Variants in ZNF354C observed in about 807,000 individuals in gnomAD.
ZNF354C encodes KRAB-zinc finger protein synten.
In ZNF354C, 7 loss-of-function variants were observed where a neutral mutation model predicts 12.4. That is an observed-to-expected ratio of 0.56 (90% CI 0.32 to 1.06). ZNF354C has a LOEUF of 1.06. Among genes scored for constraint, ZNF354C ranks in the 50% least tolerant of loss-of-function variants. The pLI is 0.04. For missense variants in ZNF354C, 609 were observed against 658.0 expected (o/e 0.93, Z 0.81); for synonymous variants, 202 against 224.5 (o/e 0.90, Z 0.90).
In ZNF354C at chr5:179,080,282, C is replaced by A; in HGVS notation, c.*185C>A. On this transcript the variant is annotated 3_prime_UTR_variant, in exon 5 of 5. Coordinates refer to ENST00000315475, the MANE Select transcript of ZNF354C (RefSeq NM_014594.3). ...CTGACTTGTTAAATTTTAAAAGAACCATAAATTCTAAGGTATCTAAAAACC... is the reference window on the plus strand; with the variant it reads ...CTGACTTGTTAAATTTTAAAAGAACAATAAATTCTAAGGTATCTAAAAACC... 2.5e-6 allele frequency: 1 copy of A among 398,652 alleles called. No individual in the cohort carries two copies. Among genetic ancestry groups the A allele is most frequent in the Non-Finnish European group, 4.4e-6 (1 of 226,082 alleles). The allele number at this position is 398,652 out of a possible 1,614,324, so 24.7% of individuals were successfully genotyped here. A position where few individuals can be genotyped will look rare whatever the true frequency, so the allele number is the denominator to read the frequency against.
chr5:179,076,996 G>A, intron 3 of ZNF354C, 75 bp from the exon 4 acceptor site: 1 of 1,310,514 alleles, frequency 7.6e-7, no homozygotes, highest in Admixed American at 1.9e-5. Flanking sequence ...TGTTGGTTCA[G>A]AGTGAGTAGT....
intron 2 of ZNF354C, among the ~76,000 whole-genome samples, chr5:179,066,272 G>A (rs559631813): frequency 3.9e-5 from 6 of 152,312 alleles, no homozygotes; most frequent in African/African-American, 1.4e-4. Context: ...GGGTAGTGGA[G>A]GTGTCTTATA....
intron 2 of ZNF354C, among the ~76,000 whole-genome samples, chr5:179,065,648 T>A (rs775978617): frequency 2.0e-5 from 3 of 152,166 alleles, no homozygotes; most frequent in Non-Finnish European, 4.4e-5. Context: ...ACTCTTGGCC[T>A]CAAGTGATCC....
In ZNF354C at chr5:179,082,322, C is replaced by T. The variant is rs534495698; in HGVS notation, c.*2225C>T. On this transcript the variant is annotated 3_prime_UTR_variant, in exon 5 of 5. Coordinates refer to ENST00000315475, the MANE Select transcript of ZNF354C (RefSeq NM_014594.3). ...TGTGTGATCATCCTTGATGTACTGC[C>T]GAAAATGTTTACCTCAAATTTAATT... The T allele has an allele frequency of 5.6e-4, 117 of 207,256 alleles. No individual in the cohort carries two copies. Among genetic ancestry groups the T allele is most frequent in the African/African-American group, 2.6e-3 (111 of 42,090 alleles). 12.8% of individuals were successfully genotyped at this position (207,256 alleles called of 1,614,324 possible). A position where few individuals can be genotyped will look rare whatever the true frequency, so the allele number is the denominator to read the frequency against.
chr5:179,077,967 A>G (rs1425029850), intron 4 of ZNF354C, among the ~76,000 whole-genome samples: 1 of 151,910 alleles, frequency 6.6e-6, no homozygotes, highest in Non-Finnish European at 1.5e-5. Flanking sequence ...CACCACGCCT[A>G]GCTAATTTTT....
At chr5:179,061,952 A>G (rs1480870567) in intron 1 of ZNF354C, 63 bp from the exon 2 acceptor site, 24 of 1,142,344 alleles carry the variant, frequency 2.1e-5, no homozygotes, top group Non-Finnish European at 3.2e-5. Flanking sequence ...GGCGGTTGTA[A>G]CTTCCTCTCT....
At chr5:179,072,094 G>T (rs1047100732) in intron 2 of ZNF354C, among the ~76,000 whole-genome samples, 3 of 152,032 alleles carry the variant, frequency 2.0e-5, no homozygotes, top group African/African-American at 7.2e-5. Flanking sequence ...AATCAATAGA[G>T]ACAATGACCC....
Position 179,082,619 on chromosome 5 carries a change from C to T in ZNF354C, c.*2522C>T, listed in dbSNP as rs749841903. The T allele has an allele frequency of 2.3e-5, 31 of 1,330,146 alleles. No individual in the cohort carries two copies. In the Admixed American group the frequency reaches 3.5e-4, roughly 15 times the overall value. 82.4% of individuals were successfully genotyped at this position (1,330,146 alleles called of 1,614,324 possible). A position where few individuals can be genotyped will look rare whatever the true frequency, so the allele number is the denominator to read the frequency against. On this transcript the variant is annotated 3_prime_UTR_variant, in exon 5 of 5. Transcript: ENST00000315475. ...GAGGGAGATATTCAGAAACCTTCAC[C>T]AGATTCCTCCCAACTTGATCATAGT...
At position 179,083,315 on chromosome 5, in the gene ZNF354C, C is replaced by A. The variant is rs528481586; in HGVS notation, c.*3218C>A. ...TTTTCTAGAAGTGATAATTGAGTTA[C>A]GTAGGATAATGTTCTAATTCTTAGG... On this transcript the variant is annotated 3_prime_UTR_variant, in exon 5 of 5. Transcript: ENST00000315475. 1 of 174,926 alleles carries A rather than the reference C, an allele frequency of 5.7e-6. No individual in the cohort carries two copies. 10.8% of individuals were successfully genotyped at this position (174,926 alleles called of 1,614,324 possible).
At chr5:179,064,965 A>G (rs935082204) in intron 2 of ZNF354C, among the ~76,000 whole-genome samples, 1 of 152,216 alleles carries the variant, frequency 6.6e-6, no homozygotes. Flanking sequence ...GAAAAGGCAC[A>G]TGGAATTTGG....
intron 2 of ZNF354C, among the ~76,000 whole-genome samples, chr5:179,074,424 G>A (rs141234952): frequency 1.3e-3 from 191 of 152,032 alleles, no homozygotes; most frequent in African/African-American, 4.1e-3. Flanking sequence ...CACCACACCC[G>A]GCCTGGCTTG....
rs149489106 is a variant in ZNF354C at position 179,080,003 on chromosome 5, A to G, written c.1571A>G (p.Tyr524Cys). ...AAAGTTCACACGAAAGAGAAACTCT[A>G]TAAGTGGAAGGAATATGGGAAACCT... ...HKKVHTKEKL[Y>C]KWKEYGKPFI... The change falls in exon 5 of 5, where the codon TAT becomes TGT. Residue 524 changes from tyrosine to cysteine, a missense_variant. Physicochemically the swap from Tyr to Cys is radical, Grantham distance 194. Coordinates refer to ENST00000315475, the MANE Select transcript of ZNF354C (RefSeq NM_014594.3). The G allele has an allele frequency of 0.018, 28,723 of 1,613,960 alleles. 335 individuals are homozygous for G. The highest frequency in any genetic ancestry group is 0.038 in the Middle Eastern group (229 of 6,060).
intron 2 of ZNF354C, among the ~76,000 whole-genome samples, chr5:179,070,818 G>C (rs931058700): frequency 1.4e-5 from 2 of 146,700 alleles, no homozygotes; most frequent in Non-Finnish European, 3.0e-5. Flanking sequence ...TCCATTTCCA[G>C]ATGATTAGCA....
In ZNF354C at chr5:179,083,516, CA is replaced by C. The variant is rs1762256879; in HGVS notation, c.*3424del. 8.3e-6 allele frequency: 1 copy of C among 120,304 alleles called. No individual in the cohort carries two copies. Among genetic ancestry groups the C allele is most frequent in the African/African-American group, 3.3e-5 (1 of 30,600 alleles). 7.5% of individuals were successfully genotyped at this position (120,304 alleles called of 1,614,324 possible). On this transcript the variant is annotated 3_prime_UTR_variant, in exon 5 of 5. Coordinates refer to ENST00000315475, the MANE Select transcript of ZNF354C (RefSeq NM_014594.3). ...TGTGTGTCAATTTTTAATAAAAATG[CA>C]AAAAGTGATTGGATAAAGAAGTGAT...
At position 179,076,613 on chromosome 5, in the gene ZNF354C, G is replaced by A. The variant is rs753008129; in HGVS notation, c.154+42G>A. On this transcript the variant is annotated intron_variant, in intron 3 of 4. Coordinates refer to ENST00000315475, the MANE Select transcript of ZNF354C (RefSeq NM_014594.3). ...ATGACGAAGAATCTGTTATAGGAAC[G>A]CCTCACAGGTCCATCTTTGGGGTTC... The A allele has an allele frequency of 1.1e-5, 17 of 1,605,684 alleles. No individual in the cohort carries two copies. The East Asian group carries it at 2.7e-4, about 25-fold the overall frequency.
At chr5:179,066,634 T>C (rs1403013752) in intron 2 of ZNF354C, among the ~76,000 whole-genome samples, 2 of 152,254 alleles carry the variant, frequency 1.3e-5, no homozygotes, top group East Asian at 3.8e-4. Flanking sequence ...AATTCTACAT[T>C]GGTGATTTTT....
At position 179,082,529 on chromosome 5, in the gene ZNF354C, G is replaced by T; in HGVS notation, c.*2432G>T. 1 of 658,774 alleles carries T rather than the reference G, an allele frequency of 1.5e-6. No individual in the cohort carries two copies. The highest frequency in any genetic ancestry group is 1.8e-5 in the South Asian group (1 of 56,404). The allele number at this position is 658,774 out of a possible 1,614,324, so 40.8% of individuals were successfully genotyped here. A position where few individuals can be genotyped will look rare whatever the true frequency, so the allele number is the denominator to read the frequency against. ...TTTATTTTTTTAAACATAACACGAG[G>T]AAGCTGTTAAAACTGGTGTAATAGC... On this transcript the variant is annotated 3_prime_UTR_variant, in exon 5 of 5. Transcript: ENST00000315475.
At chr5:179,075,873 T>C (rs1762112885) in intron 2 of ZNF354C, among the ~76,000 whole-genome samples, 1 of 152,254 alleles carries the variant, frequency 6.6e-6, no homozygotes, top group Non-Finnish European at 1.5e-5. Flanking sequence ...TTGTTCACAT[T>C]GTATTTCTTT....
intron 2 of ZNF354C, among the ~76,000 whole-genome samples, chr5:179,074,437 T>C (rs1762088377): frequency 6.6e-6 from 1 of 152,116 alleles, no homozygotes; most frequent in Admixed American, 6.5e-5. Flanking sequence ...CTGGCTTGTG[T>C]ATTTTTAAGA....
Sources: gnomAD v4.1 joint callset for allele counts (sites outside exome capture counted in the v4.1 genomes callset) on GRCh38, gnomAD v4.1.1 for gene constraint, MANE v1.5 for transcripts, NCBI Gene and HGNC (gene_info 2026-07-23, HGNC 2026-07-21) for gene names.